Variants in TBC1D22A observed in about 807,000 individuals in gnomAD.
The protein encoded by TBC1D22A is putative GTPase activator.
In TBC1D22A, 38 loss-of-function variants were observed where a neutral mutation model predicts 60.2. That is an observed-to-expected ratio of 0.63 (90% CI 0.49 to 0.83). TBC1D22A has a LOEUF of 0.83. Ranked by LOEUF, TBC1D22A falls within the 40% of genes least tolerant of loss-of-function variation. TBC1D22A has a pLI of 0.00. For missense variants in TBC1D22A, 628 were observed against 701.0 expected (o/e 0.90, Z 1.18); for synonymous variants, 302 against 281.7 (o/e 1.07, Z -0.72).
intron 11 of TBC1D22A, among the ~76,000 whole-genome samples, chr22:47,049,297 T>C (rs958217459): frequency 6.6e-6 from 1 of 152,230 alleles, no homozygotes; most frequent in Admixed American, 6.5e-5. Flanking sequence ...CTCTTGGTAC[T>C]TAATGGTTGA....
chr22:46,762,934 G>T (rs2083151283), intron 1 of TBC1D22A, 86 bp downstream of exon 1: 1 of 1,324,982 alleles, frequency 7.5e-7, no homozygotes, highest in East Asian at 3.1e-5. Flanking sequence ...GGTGGAGTCG[G>T]GGGTCTGGAG....
intron 4 of TBC1D22A, among the ~76,000 whole-genome samples, chr22:46,870,696 G>A (rs923346715): frequency 1.3e-5 from 2 of 152,254 alleles, no homozygotes; most frequent in South Asian, 2.1e-4. Context: ...TCAAGGTGCC[G>A]GCATCTGGTG....
In TBC1D22A at chr22:46,801,110, A is replaced by G. The variant is rs551519600; in HGVS notation, c.637+3490A>G. Reference sequence around the variant, plus strand: ...AAAAATCAAGTATTTTGTTAGGTTGAGGGGACTGTGGGTTTTTTTCTTTCT... The same window carrying G: ...AAAAATCAAGTATTTTGTTAGGTTGGGGGGACTGTGGGTTTTTTTCTTTCT... On this transcript the variant is annotated intron_variant, in intron 4 of 12. Coordinates refer to ENST00000337137, the MANE Select transcript of TBC1D22A (RefSeq NM_014346.5). Among the ~76,000 whole-genome samples the G allele has an allele frequency of 2.4e-3, 365 of 152,336 alleles. 6 individuals carry two copies. The South Asian group carries it at 0.025, about 11-fold the overall frequency.
chr22:46,888,727 A>T (rs2068244604), intron 5 of TBC1D22A, among the ~76,000 whole-genome samples: 1 of 152,220 alleles, frequency 6.6e-6, no homozygotes, highest in Non-Finnish European at 1.5e-5. Flanking sequence ...TGTTTTTTTG[A>T]GACAGAGCCT....
intron 4 of TBC1D22A, among the ~76,000 whole-genome samples, chr22:46,847,566 T>C (rs6008987): frequency 0.35 from 53,753 of 152,146 alleles, 10,209 homozygotes; most frequent in African/African-American, 0.51. Flanking sequence ...CCTGCCCCAC[T>C]GTGTGGACGT....
chr22:46,929,375 G>A (rs147194085), intron 8 of TBC1D22A, among the ~76,000 whole-genome samples: 163 of 152,264 alleles, frequency 1.1e-3, no homozygotes, highest in African/African-American at 3.9e-3. Flanking sequence ...AAATGAATAC[G>A]TATATTCTCA....
At chr22:46,873,314 T>C (rs1380876732) in intron 4 of TBC1D22A, among the ~76,000 whole-genome samples, 2 of 152,174 alleles carry the variant, frequency 1.3e-5, no homozygotes, top group South Asian at 2.1e-4. Context: ...TCATTAATCA[T>C]CATAAAATTG....
chr22:46,995,870 C>A (rs115619102), intron 9 of TBC1D22A, among the ~76,000 whole-genome samples: 2,700 of 152,250 alleles, frequency 0.018, 75 homozygotes, highest in African/African-American at 0.061. Flanking sequence ...CTCTGGTTTA[C>A]TTCTCACCCT....
intron 4 of TBC1D22A, among the ~76,000 whole-genome samples, chr22:46,814,751 A>G (rs765794452): frequency 1.1e-4 from 17 of 151,724 alleles, no homozygotes; most frequent in Admixed American, 2.0e-4. Flanking sequence ...GGTTCAAGCA[A>G]TTCTCCTGCA....
chr22:46,944,018 A>G (rs1164151231), intron 8 of TBC1D22A, among the ~76,000 whole-genome samples: 1 of 152,150 alleles, frequency 6.6e-6, no homozygotes, highest in Admixed American at 6.5e-5. Flanking sequence ...AGCATTTAGT[A>G]TAGTTTCTAT....
intron 11 of TBC1D22A, among the ~76,000 whole-genome samples, chr22:47,099,364 A>G (rs898122767): frequency 6.6e-6 from 1 of 152,084 alleles, no homozygotes; most frequent in African/African-American, 2.4e-5. Context: ...GGGGCGGTCA[A>G]GAATGGTTTG....
In TBC1D22A at chr22:46,909,302, A is replaced by G. The variant is rs1391496940; in HGVS notation, c.901-2772A>G. Among the ~76,000 whole-genome samples the G allele has an allele frequency of 1.3e-5, 2 of 152,042 alleles. 1 individual carries two copies. The highest frequency in any genetic ancestry group is 2.9e-5 in the Non-Finnish European group (2 of 67,996). On this transcript the variant is annotated intron_variant, in intron 7 of 12. Coordinates refer to ENST00000337137, the MANE Select transcript of TBC1D22A (RefSeq NM_014346.5). ...AAATTCTTCCTATACACATACACAC[A>G]CACACACACACTCACACACTCACTC...
rs191982290 is a variant in TBC1D22A, at chr22:47,101,242, G to A, written c.1330-10266G>A. ...GGGAATCCTAAAATATTCCTGACTC[G>A]CTCGTTAAATGACACCTGAGTGTTT... On this transcript the variant is annotated intron_variant, in intron 11 of 12. Transcript: ENST00000337137. 3.3e-3 allele frequency among the ~76,000 whole-genome samples: 505 copies of A among 152,306 alleles called. 5 individuals carry two copies. Among genetic ancestry groups the A allele is most frequent in the Non-Finnish European group, 5.7e-3 (386 of 68,032 alleles).
At chr22:46,998,579 T>C (rs1215156139) in intron 10 of TBC1D22A, among the ~76,000 whole-genome samples, 2 of 152,260 alleles carry the variant, frequency 1.3e-5, no homozygotes, top group Non-Finnish European at 2.9e-5. Flanking sequence ...CACTGTGCCT[T>C]TTCCCCTCCC....
At chr22:46,875,784 T>C (rs993785450) in intron 4 of TBC1D22A, among the ~76,000 whole-genome samples, 2 of 152,174 alleles carry the variant, frequency 1.3e-5, no homozygotes, top group Non-Finnish European at 2.9e-5. Context: ...AATTATACTT[T>C]GATTTCAAAA....
intron 10 of TBC1D22A, among the ~76,000 whole-genome samples, chr22:46,998,948 C>G (rs2075216387): frequency 6.6e-6 from 1 of 152,262 alleles, no homozygotes; most frequent in Admixed American, 6.5e-5. Flanking sequence ...AGCACTTTCA[C>G]AAGCATTCCC....
intron 11 of TBC1D22A, among the ~76,000 whole-genome samples, chr22:47,061,862 C>A (rs781078222): frequency 6.6e-6 from 1 of 152,060 alleles, no homozygotes; most frequent in African/African-American, 2.4e-5. Context: ...CTGAGGCCAG[C>A]GGATCACTTG....
chr22:46,921,197 C>T (rs186627946), intron 8 of TBC1D22A, among the ~76,000 whole-genome samples: 16 of 152,274 alleles, frequency 1.1e-4, no homozygotes, highest in Non-Finnish European at 2.1e-4. Context: ...AGGTAATAAG[C>T]GTAGTACCCG....
chr22:47,064,816 A>G (rs2063699268), intron 11 of TBC1D22A, among the ~76,000 whole-genome samples: 1 of 152,166 alleles, frequency 6.6e-6, no homozygotes, highest in African/African-American at 2.4e-5. Flanking sequence ...CTTTTAATTA[A>G]ATTTCACGAA....
Sources: gnomAD v4.1 joint callset for allele counts (sites outside exome capture counted in the v4.1 genomes callset) on GRCh38, gnomAD v4.1.1 for gene constraint, MANE v1.5 for transcripts, NCBI Gene and HGNC (gene_info 2026-07-23, HGNC 2026-07-21) for gene names.